Variants in PLEKHH1 observed in about 807,000 individuals in gnomAD.
The protein encoded by PLEKHH1 is pleckstrin homology domain-containing family H member 1.
PLEKHH1 carries 104 observed loss-of-function variants against 160.0 expected under a neutral mutation model. That is an observed-to-expected ratio of 0.65 (90% CI 0.55 to 0.76). PLEKHH1 has a LOEUF of 0.76. Ranked by LOEUF, PLEKHH1 falls within the 30% of genes least tolerant of loss-of-function variation. PLEKHH1 has a pLI of 0.00. For synonymous variants in PLEKHH1, 619 were observed against 678.4 expected (o/e 0.91, Z 1.36); for missense variants, 1,427 against 1,724.1 (o/e 0.83, Z 3.05).
At chr14:67,557,208 T>C (rs1348882113) in intron 3 of PLEKHH1, 61 bp from the exon 4 acceptor site, 1 of 1,452,682 alleles carries the variant, frequency 6.9e-7, no homozygotes, top group Non-Finnish European at 9.6e-7. Flanking sequence ...CCCACGTTAC[T>C]GGCCACTGCA....
Position 67,559,603 on chromosome 14 carries a change from TG to T in PLEKHH1, c.340-4del. 1.9e-6 allele frequency: 3 copies of T among 1,581,720 alleles called. No individual in the cohort carries two copies. Among genetic ancestry groups the T allele is most frequent in the Non-Finnish European group, 1.7e-6 (2 of 1,161,912 alleles). On this transcript the variant is annotated splice_region_variant and splice_polypyrimidine_tract_variant and intron_variant, in intron 4 of 28. Transcript: ENST00000329153. ...GATTAACGGAAGGCCCTCTCTTTCT[TG>T]CAGAAGCAGATGAGGGCAGAGGAAG...
intron 7 of PLEKHH1, among the ~76,000 whole-genome samples, chr14:67,567,599 C>T (rs767170455): frequency 3.3e-5 from 5 of 152,044 alleles, no homozygotes; most frequent in Admixed American, 6.6e-5. Flanking sequence ...CCTTCCTCAC[C>T]GCCCCTCTGT....
In PLEKHH1 at chr14:67,576,282, C is replaced by A; in HGVS notation, c.2353-113C>A. ...TCCAGGTAGCCCTGACTCATGCCAA[C>A]CAAACTAGCTGAACCCCACATGGGC... On this transcript the variant is annotated intron_variant, in intron 16 of 28. Coordinates refer to ENST00000329153, the MANE Select transcript of PLEKHH1 (RefSeq NM_020715.3). This position sits in a 1 kb window ranked among gnomAD's most constrained non-coding sequence, Gnocchi z 4.0. 1 of 649,728 alleles carries A rather than the reference C, an allele frequency of 1.5e-6. No individual in the cohort carries two copies. The highest frequency in any genetic ancestry group is 2.7e-6 in the Non-Finnish European group (1 of 375,706). The allele number at this position is 649,728 out of a possible 1,614,324, so 40.2% of individuals were successfully genotyped here.
rs778245871 is a variant in PLEKHH1 at position 67,587,054 on chromosome 14, C to T, written c.3934-20C>T. 8.3e-6 allele frequency: 13 copies of T among 1,565,506 alleles called. No homozygotes were observed. In the East Asian group the frequency reaches 3.0e-4, roughly 37 times the overall value. ...AGCCAAGGCTAGTTCAATTCCTTCA[C>T]ATCTCTGACCTCCTCTTAGATTGCA... On this transcript the variant is annotated intron_variant, in intron 28 of 28. Coordinates refer to ENST00000329153, the MANE Select transcript of PLEKHH1 (RefSeq NM_020715.3).
In PLEKHH1 at chr14:67,565,990, C is replaced by T. The variant is rs546581801; in HGVS notation, c.1263+3096C>T. Among the ~76,000 whole-genome samples the T allele has an allele frequency of 7.4e-4, 112 of 152,176 alleles. 2 individuals are homozygous for T. Among genetic ancestry groups the T allele is most frequent in the African/African-American group, 2.5e-3 (105 of 41,498 alleles). On this transcript the variant is annotated intron_variant, in intron 7 of 28. Coordinates refer to ENST00000329153, the MANE Select transcript of PLEKHH1 (RefSeq NM_020715.3). ...CAAAAATTATTTGGGCATGGTGGTG[C>T]ACGCCTATAGTCTGGCTGCTCGGGA...
chr14:67,559,154 C>G (rs895846906), intron 4 of PLEKHH1, among the ~76,000 whole-genome samples: 1 of 152,196 alleles, frequency 6.6e-6, no homozygotes, highest in African/African-American at 2.4e-5. Context: ...CCTCTTTTGA[C>G]TACTTTGATG....
In PLEKHH1 at chr14:67,556,688, A is replaced by G. The variant is rs188815064; in HGVS notation, c.190-581A>G. 8.1e-4 allele frequency among the ~76,000 whole-genome samples: 124 copies of G among 152,326 alleles called. 1 individual carries two copies. The highest frequency in any genetic ancestry group is 2.9e-3 in the African/African-American group (121 of 41,566). The stretch of plus-strand genomic sequence containing the variant: ...GGATCTCTTGACATCAGGAGTTTGA[A>G]TCTAGCCTGGGCAATATAGCAAGAT... On this transcript the variant is annotated intron_variant, in intron 3 of 28. Transcript: ENST00000329153.
intron 1 of PLEKHH1, chr14:67,533,610 C>G (rs1176289648): frequency 6.6e-6 from 1 of 152,126 alleles, no homozygotes; most frequent in Non-Finnish European, 1.5e-5. Context: ...CGCCGCGAGG[C>G]CAGGAGGAGC....
At chr14:67,535,013 G>GA (rs2033647283) in intron 1 of PLEKHH1, among the ~76,000 whole-genome samples, 1 of 152,154 alleles carries the variant, frequency 6.6e-6, no homozygotes, top group South Asian at 2.1e-4. Context: ...CACACGATAG[G>GA]ATACATTAAA....
rs2035937642 is a variant in PLEKHH1 at position 67,582,244 on chromosome 14, T to C, written c.3426+34T>C. On this transcript the variant is annotated intron_variant, in intron 24 of 28. Transcript: ENST00000329153. The surrounding 1 kb of genome is among the most constrained non-coding windows in gnomAD (Gnocchi z 5.0). Reference sequence around the variant, plus strand: ...CTGTTCAGGAAGCAGGAGGGTCGGGTTGCCAGCTTAGAATGAATGCACCAT... The same window carrying C: ...CTGTTCAGGAAGCAGGAGGGTCGGGCTGCCAGCTTAGAATGAATGCACCAT... The C allele has an allele frequency of 6.2e-7, 1 of 1,612,956 alleles. No individual in the cohort carries two copies. The highest frequency in any genetic ancestry group is 8.5e-7 in the Non-Finnish European group (1 of 1,179,774).
intron 11 of PLEKHH1, among the ~76,000 whole-genome samples, chr14:67,572,617 T>C (rs893285599): frequency 6.6e-6 from 1 of 151,808 alleles, no homozygotes; most frequent in African/African-American, 2.4e-5. Flanking sequence ...ATTGAACTCT[T>C]GGCACCAGGC....
Position 67,589,431 on chromosome 14 carries a change from TA to T in PLEKHH1, c.*2205del, listed in dbSNP as rs112634439. Reference sequence around the variant, plus strand: ...GGCAAAAGTAGCTTTTGAACTGATATAAAAAAAAATGCTGAGTAACAGAAAA... The same window carrying T: ...GGCAAAAGTAGCTTTTGAACTGATATAAAAAAAATGCTGAGTAACAGAAAA... On this transcript the variant is annotated 3_prime_UTR_variant, in exon 29 of 29. Transcript: ENST00000329153. 1.7e-4 allele frequency: 170 copies of T among 975,386 alleles called. No homozygotes were observed. In the African/African-American group the frequency reaches 1.9e-3, roughly 11 times the overall value. The allele number at this position is 975,386 out of a possible 1,614,324, so 60.4% of individuals were successfully genotyped here. A position where few individuals can be genotyped will look rare whatever the true frequency, so the allele number is the denominator to read the frequency against.
rs1243917668 is a variant in PLEKHH1 at position 67,557,245 on chromosome 14, CTATGAGATCATTG to C, written c.190-21_190-9del. 2 of 1,609,826 alleles carry C rather than the reference CTATGAGATCATTG, an allele frequency of 1.2e-6. No homozygotes were observed. Among genetic ancestry groups the C allele is most frequent in the African/African-American group, 2.7e-5 (2 of 74,858 alleles). On this transcript the variant is annotated splice_polypyrimidine_tract_variant and intron_variant, in intron 3 of 28. Coordinates refer to ENST00000329153, the MANE Select transcript of PLEKHH1 (RefSeq NM_020715.3). ...ACCCCGTGTGAGTGATGGGAAGACA[CTATGAGATCATTG>C]TACTTTTCAGGTGGGTGTCATGGAA...
Position 67,578,634 on chromosome 14 carries a change from G to C in PLEKHH1, c.2849+3G>C. ...CTCCAACGCCATGCAGATCCCAGGTGAGTGAACCTGGCCGTTTCCTCTGCC... is the reference window on the plus strand; with the variant it reads ...CTCCAACGCCATGCAGATCCCAGGTCAGTGAACCTGGCCGTTTCCTCTGCC... On this transcript the variant is annotated splice_donor_region_variant and intron_variant, in intron 20 of 28. Coordinates refer to ENST00000329153, the MANE Select transcript of PLEKHH1 (RefSeq NM_020715.3). The surrounding 1 kb of genome is among the most constrained non-coding windows in gnomAD (Gnocchi z 5.0). The C allele has an allele frequency of 6.3e-7, 1 of 1,578,490 alleles. No individual in the cohort carries two copies.
rs372709888 is a variant in PLEKHH1, at chr14:67,557,377, G to A, written c.298G>A (p.Asp100Asn). Residue 100 changes from aspartate (D) to asparagine (N), a missense_variant, in exon 4 of 29, where the codon GAT becomes AAT. Coordinates refer to ENST00000329153, the MANE Select transcript of PLEKHH1 (RefSeq NM_020715.3). ...QELLKAIKGK[D>N]ELISQLEAQL... ...ATTGCTGAAAGCCATAAAGGGCAAA[G>A]ATGAGCTCATCAGCCAGCTAGAGGC... The A allele has an allele frequency of 3.1e-6, 5 of 1,613,824 alleles. No homozygotes were observed. The African/African-American group carries it at 6.7e-5, about 22-fold the overall frequency.
intron 7 of PLEKHH1, among the ~76,000 whole-genome samples, chr14:67,565,105 G>A (rs1330418289): frequency 6.6e-6 from 1 of 152,180 alleles, no homozygotes; most frequent in Non-Finnish European, 1.5e-5. Context: ...GGCTTCGCAC[G>A]GAGCCTGTGG....
At chr14:67,586,768 C>T (rs2036184647) in intron 28 of PLEKHH1, 5 of 1,333,664 alleles carry the variant, frequency 3.7e-6, no homozygotes, top group Non-Finnish European at 4.9e-6. Context: ...AGGGGAGGAT[C>T]TCCAGATCCC....
chr14:67,558,715 T>G (rs1373283281), intron 4 of PLEKHH1, among the ~76,000 whole-genome samples: 3 of 152,240 alleles, frequency 2.0e-5, no homozygotes, highest in African/African-American at 4.8e-5. Context: ...GCAAGTCACT[T>G]CTTGCCATAG....
chr14:67,572,320 A>C (rs1397991768), intron 11 of PLEKHH1, 43 bp downstream of exon 11: 3 of 1,518,852 alleles, frequency 2.0e-6, no homozygotes, highest in Middle Eastern at 1.7e-4. Flanking sequence ...AGCAGAATGC[A>C]GCAGAGGCTG....
Sources: allele counts gnomAD v4.1 joint callset (sites outside exome capture counted in the v4.1 genomes callset), GRCh38; gene constraint gnomAD v4.1.1; non-coding constraint Gnocchi (gnomAD v3.1); transcripts MANE v1.5; gene names NCBI Gene and HGNC (gene_info 2026-07-23, HGNC 2026-07-21).